TMC1: variants seen among roughly 807,000 people sequenced by gnomAD.
TMC1 encodes transmembrane channel-like protein 1.
In TMC1, 84 loss-of-function variants were observed where a neutral mutation model predicts 105.8. The observed-to-expected ratio is 0.79, with a 90% CI of 0.67 to 0.95. The LOEUF is 0.95. Among genes scored for constraint, TMC1 ranks in the 40% least tolerant of loss-of-function variants. The pLI, the probability that TMC1 is intolerant of heterozygous loss-of-function variation, is 0.00. For missense variants in TMC1, 817 were observed against 914.1 expected, an observed-to-expected ratio of 0.89 and a Z score of 1.37; for synonymous variants, 315 against 311.5, an observed-to-expected ratio of 1.01 and a Z score of -0.12.
At chr9:72,569,298 CT>C (rs899980202) in intron 1 of TMC1, among the ~76,000 whole-genome samples, 54 of 148,066 alleles carry the variant, frequency 3.6e-4, no homozygotes, top group Admixed American at 7.4e-4. Context: ...ACAGATGCAA[CT>C]TTTTTTTTTT....
intron 2 of TMC1, among the ~76,000 whole-genome samples, chr9:72,614,123 T>C (rs1188437058): frequency 6.6e-6 from 1 of 152,204 alleles, no homozygotes; most frequent in African/African-American, 2.4e-5. Context: ...GATATTTCCT[T>C]TGACTAATGT....
At chr9:72,825,630 G>A (rs1828939531) in intron 20 of TMC1, among the ~76,000 whole-genome samples, 2 of 152,174 alleles carry the variant, frequency 1.3e-5, no homozygotes, top group Non-Finnish European at 2.9e-5. Context: ...CTGAGGTGCT[G>A]GAGAAGGGAG....
At chr9:72,651,020 G>A (rs975140500) in intron 5 of TMC1, 3 of 145,040 alleles carry the variant, frequency 2.1e-5, no homozygotes, top group Non-Finnish European at 3.0e-5. Context: ...ACATAATCTC[G>A]TTCTTGTTTT....
At chr9:72,835,466 A>C (rs1829107168) in intron 23 of TMC1, among the ~76,000 whole-genome samples, 1 of 152,252 alleles carries the variant, frequency 6.6e-6, no homozygotes, top group African/African-American at 2.4e-5. Context: ...TTAGTACTTA[A>C]GAATGGAAAA....
At chr9:72,637,910 AT>A (rs1168656825) in intron 4 of TMC1, among the ~76,000 whole-genome samples, 2 of 152,368 alleles carry the variant, frequency 1.3e-5, no homozygotes, top group East Asian at 3.9e-4. Flanking sequence ...TTTTTAAAAC[AT>A]AAACTAGTTT....
In TMC1 at chr9:72,716,702, G is replaced by A. The variant is rs555923248; in HGVS notation, c.362+16059G>A. 8.5e-5 allele frequency among the ~76,000 whole-genome samples: 13 copies of A among 152,258 alleles called. No homozygotes were observed. The South Asian group carries it at 1.7e-3, about 19-fold the overall frequency. On this transcript the variant is annotated intron_variant, in intron 8 of 23. Transcript: ENST00000297784. ...AGTGGATCTTAGCTTGCTGGGCTCC[G>A]TGGGAGTGGGACCCACTGAGCCAGA...
chr9:72,646,602 T>G (rs1020080856), intron 4 of TMC1, among the ~76,000 whole-genome samples: 4 of 152,018 alleles, frequency 2.6e-5, no homozygotes, highest in African/African-American at 7.2e-5. Context: ...TCTTATTGGG[T>G]TATGGGCCAT....
At chr9:72,603,555 TTG>T in intron 2 of TMC1, among the ~76,000 whole-genome samples, 1 of 150,752 alleles carries the variant, frequency 6.6e-6, no homozygotes. Context: ...TTTAGTGTTG[TTG>T]TTGTTGTTGT....
At chr9:72,665,574 A>G (rs1432576718) in intron 5 of TMC1, among the ~76,000 whole-genome samples, 2 of 152,200 alleles carry the variant, frequency 1.3e-5, no homozygotes, top group Admixed American at 6.5e-5. Context: ...CCTGGGATGG[A>G]TGGGTGGAAG....
At chr9:72,535,859 T>C (rs987521380) in intron 1 of TMC1, among the ~76,000 whole-genome samples, 1 of 152,126 alleles carries the variant, frequency 6.6e-6, no homozygotes, top group Non-Finnish European at 1.5e-5. Context: ...CCACTTCTCA[T>C]GGGAACTAAT....
At chr9:72,787,672 TACAC>T (rs533867065) in intron 13 of TMC1, among the ~76,000 whole-genome samples, 1 of 151,414 alleles carries the variant, frequency 6.6e-6, no homozygotes, top group Non-Finnish European at 1.5e-5. Context: ...CACATATATA[TACAC>T]ACACACACAT....
intron 13 of TMC1, among the ~76,000 whole-genome samples, chr9:72,776,025 C>T (rs1828000661): frequency 6.6e-6 from 1 of 152,186 alleles, no homozygotes; most frequent in Admixed American, 6.5e-5. Flanking sequence ...CTACCTCCAA[C>T]ATTGAGATCA....
chr9:72,614,727 C>A (rs1825093111), intron 2 of TMC1, among the ~76,000 whole-genome samples: 1 of 152,182 alleles, frequency 6.6e-6, no homozygotes, highest in African/African-American at 2.4e-5. Context: ...GTTGCCCAGG[C>A]CAGAATGCAG....
intron 18 of TMC1, among the ~76,000 whole-genome samples, chr9:72,810,485 T>A (rs1247459033): frequency 1.3e-5 from 2 of 152,196 alleles, no homozygotes; most frequent in Non-Finnish European, 2.9e-5. Context: ...ATAGGTAATC[T>A]CTGCCACTAA....
chr9:72,777,645 C>A (rs1206439339), intron 13 of TMC1, among the ~76,000 whole-genome samples: 1 of 152,186 alleles, frequency 6.6e-6, no homozygotes, highest in African/African-American at 2.4e-5. Context: ...TTTTATATTA[C>A]TACTCTATGA....
chr9:72,622,885 T>C (rs1825278619), intron 3 of TMC1, among the ~76,000 whole-genome samples: 1 of 151,904 alleles, frequency 6.6e-6, no homozygotes, highest in Non-Finnish European at 1.5e-5. Context: ...ACCCCATCTC[T>C]ACTCAAAAGT....
chr9:72,668,666 G>T (rs867635425), intron 5 of TMC1, among the ~76,000 whole-genome samples: 1 of 152,152 alleles, frequency 6.6e-6, no homozygotes, highest in Non-Finnish European at 1.5e-5. Flanking sequence ...TCTATTACAA[G>T]ATAGAACATT....
chr9:72,660,750 T>C (rs948404397), intron 5 of TMC1, among the ~76,000 whole-genome samples: 1 of 152,172 alleles, frequency 6.6e-6, no homozygotes, highest in Non-Finnish European at 1.5e-5. Flanking sequence ...TTACGAAGTA[T>C]CCCAAGTTTG....
At chr9:72,739,678 A>T (rs1827356752) in intron 8 of TMC1, among the ~76,000 whole-genome samples, 1 of 152,074 alleles carries the variant, frequency 6.6e-6, no homozygotes, top group South Asian at 2.1e-4. Context: ...CCAGGTCATT[A>T]AGTGTGTTCT....
Sources: allele counts gnomAD v4.1 joint callset (sites outside exome capture counted in the v4.1 genomes callset), GRCh38; gene constraint gnomAD v4.1.1; transcripts MANE v1.5; gene names NCBI Gene and HGNC (gene_info 2026-07-23, HGNC 2026-07-21).